NHEJ1: variants seen among roughly 807,000 people sequenced by gnomAD.
The protein encoded by NHEJ1 is non-homologous end joining factor 1.
A neutral mutation model predicts 39.4 loss-of-function variants in NHEJ1; 22 were observed. That is an observed-to-expected ratio of 0.56 (90% CI 0.40 to 0.80). The LOEUF (loss-of-function observed/expected upper bound fraction) is 0.80. Ranked by LOEUF, NHEJ1 falls within the 30% of genes least tolerant of loss-of-function variation. The pLI is 0.00. For synonymous variants in NHEJ1, 154 were observed against 135.6 expected, an observed-to-expected ratio of 1.14 and a Z score of -0.94; for missense variants, 329 against 357.1, an observed-to-expected ratio of 0.92 and a Z score of 0.63.
chr2:219,141,700 G>A (rs1382237023), intron 5 of NHEJ1, among the ~76,000 whole-genome samples: 1 of 152,060 alleles, frequency 6.6e-6, no homozygotes, highest in Non-Finnish European at 1.5e-5. Context: ...AGAAATATGG[G>A]CCTAAAACAC....
At chr2:219,155,374 G>C (rs1044526991) in intron 3 of NHEJ1, among the ~76,000 whole-genome samples, 3 of 151,364 alleles carry the variant, frequency 2.0e-5, no homozygotes, top group Non-Finnish European at 4.4e-5. Context: ...AGACCACCCT[G>C]GTCAACACAG....
chr2:219,083,932 C>T (rs946403441), intron 5 of NHEJ1, among the ~76,000 whole-genome samples: 1 of 151,864 alleles, frequency 6.6e-6, no homozygotes, highest in Non-Finnish European at 1.5e-5. Flanking sequence ...CACTCCTTGA[C>T]CTATGATGGG....
intron 5 of NHEJ1, among the ~76,000 whole-genome samples, chr2:219,103,776 G>A (rs1435446389): frequency 6.6e-6 from 1 of 152,174 alleles, no homozygotes; most frequent in Non-Finnish European, 1.5e-5. Flanking sequence ...AGCCAGGTAG[G>A]TTAAGTAAGT....
At position 219,158,099 on chromosome 2, in the gene NHEJ1, C is replaced by T. The variant is rs572442832; in HGVS notation, c.177+87G>A. 1.5e-5 allele frequency: 21 copies of T among 1,393,576 alleles called. 1 individual carries two copies. The highest frequency in any genetic ancestry group is 1.4e-4 in the East Asian group (6 of 42,656). The allele number at this position is 1,393,576 out of a possible 1,614,324, so 86.3% of individuals were successfully genotyped here. On this transcript the variant is annotated intron_variant, in intron 2 of 7. Coordinates refer to ENST00000356853, the MANE Select transcript of NHEJ1 (RefSeq NM_024782.3). ...GACATTAACTGGAATTGTCTCAACC[C>T]GATTCAACCTTCCTTGGGAAACTAC... is the stretch of plus-strand genomic sequence containing the variant.
chr2:219,083,976 C>T (rs1004486656), intron 5 of NHEJ1, among the ~76,000 whole-genome samples: 13 of 150,944 alleles, frequency 8.6e-5, no homozygotes, highest in African/African-American at 2.7e-4. Context: ...GTCAAAAACG[C>T]ACTTTCAACT....
rs551867290 is a variant in NHEJ1 at position 219,113,677 on chromosome 2, C to T, written c.588+33003G>A. Among the ~76,000 whole-genome samples the T allele has an allele frequency of 1.2e-4, 18 of 152,206 alleles. 1 individual carries two copies. In the South Asian group the frequency reaches 3.7e-3, roughly 32 times the overall value. ...ATTTTTCTCCCCCTCCATAAGTCTTCGTGTCACCTTCTATAAACTATAGAG... is the reference window on the plus strand; with the variant it reads ...ATTTTTCTCCCCCTCCATAAGTCTTTGTGTCACCTTCTATAAACTATAGAG... On this transcript the variant is annotated intron_variant, in intron 5 of 7. Coordinates refer to ENST00000356853, the MANE Select transcript of NHEJ1 (RefSeq NM_024782.3).
chr2:219,156,571 T>C (rs2106368357), intron 3 of NHEJ1, among the ~76,000 whole-genome samples: 1 of 152,314 alleles, frequency 6.6e-6, no homozygotes, highest in South Asian at 2.1e-4. Context: ...GAGGATATTA[T>C]CCCCCTAGTC....
chr2:219,134,152 T>C (rs937217763), intron 5 of NHEJ1, among the ~76,000 whole-genome samples: 2 of 152,232 alleles, frequency 1.3e-5, no homozygotes, highest in Admixed American at 1.3e-4. Context: ...AGACCATGAA[T>C]TGCCTAAGGG....
At chr2:219,155,417 T>A (rs995954774) in intron 3 of NHEJ1, among the ~76,000 whole-genome samples, 5 of 151,836 alleles carry the variant, frequency 3.3e-5, no homozygotes, top group Admixed American at 2.0e-4. Context: ...AAATTTTTTT[T>A]AATTTTATTT....
chr2:219,091,817 AAGTATGTGTGTATATATG>A (rs1267026890), intron 5 of NHEJ1, among the ~76,000 whole-genome samples: 2 of 12,932 alleles, frequency 1.5e-4, no homozygotes, highest in African/African-American at 2.7e-4. Flanking sequence ...TGTATATATG[AAGTATGTGTGTATATATG>A]AAGTATGTGT....
chr2:219,129,767 G>A (rs900212150), intron 5 of NHEJ1, among the ~76,000 whole-genome samples: 1 of 152,220 alleles, frequency 6.6e-6, no homozygotes, highest in African/African-American at 2.4e-5. Flanking sequence ...TGCGCGGCCA[G>A]GGGAGCCGTG....
At position 219,111,856 on chromosome 2, in the gene NHEJ1, C is replaced by G. The variant is rs992989501; in HGVS notation, c.589-33650G>C. 6.6e-6 allele frequency among the ~76,000 whole-genome samples: 1 copy of G among 152,200 alleles called. No individual in the cohort carries two copies. The highest frequency in any genetic ancestry group is 1.5e-5 in the Non-Finnish European group (1 of 68,036). ...AATGGGACTGACCACAGCTGCCCCA[C>G]GCGCTTGGCCAGCATCATGGCAGGA... On this transcript the variant is annotated intron_variant, in intron 5 of 7. Transcript: ENST00000356853. This position sits in a 1 kb window ranked among gnomAD's most constrained non-coding sequence, Gnocchi z 4.1.
chr2:219,101,280 A>G (rs1949257956), intron 5 of NHEJ1, among the ~76,000 whole-genome samples: 1 of 151,924 alleles, frequency 6.6e-6, no homozygotes, highest in Non-Finnish European at 1.5e-5. Context: ...ACATCTAGCT[A>G]ATTTTTGTAT....
At position 219,070,421 on chromosome 2, in the gene NHEJ1, A is replaced by T. The variant is rs563441694; in HGVS notation, c.*5960T>A. Among the ~76,000 whole-genome samples the T allele has an allele frequency of 6.6e-6, 1 of 152,162 alleles. No individual in the cohort carries two copies. Among genetic ancestry groups the T allele is most frequent in the African/African-American group, 2.4e-5 (1 of 41,520 alleles). On this transcript the variant is annotated 3_prime_UTR_variant, in exon 8 of 8. Transcript: ENST00000356853. ...TGGCCAGGCTGGTCTCAAATTCCTGACCTCAGGTGATCCACCTGCCTCAGC... is the reference window on the plus strand; with the variant it reads ...TGGCCAGGCTGGTCTCAAATTCCTGTCCTCAGGTGATCCACCTGCCTCAGC...
intron 3 of NHEJ1, among the ~76,000 whole-genome samples, chr2:219,155,795 T>C (rs988946563): frequency 6.7e-6 from 1 of 150,080 alleles, no homozygotes; most frequent in Non-Finnish European, 1.5e-5. Context: ...CGTGGTGGTG[T>C]GCGCCTGTAG....
chr2:219,084,311 T>G (rs548069202), intron 5 of NHEJ1, among the ~76,000 whole-genome samples: 23 of 152,314 alleles, frequency 1.5e-4, no homozygotes, highest in African/African-American at 5.1e-4. Context: ...TTGGTTCTGC[T>G]ATTTTCAACT....
In NHEJ1 at chr2:219,154,950, AATATATT is replaced by A. The variant is rs998811393; in HGVS notation, c.390+2515_390+2521del. 1.6e-3 allele frequency among the ~76,000 whole-genome samples: 240 copies of A among 147,486 alleles called. 1 individual carries two copies. The highest frequency in any genetic ancestry group is 5.5e-3 in the African/African-American group (225 of 40,720). On this transcript the variant is annotated intron_variant, in intron 3 of 7. Coordinates refer to ENST00000356853, the MANE Select transcript of NHEJ1 (RefSeq NM_024782.3). ...ATTAATATAACATATAATATATGTT[AATATATT>A]ATATATTATTATATTACATATATTT...
At chr2:219,082,963 G>A (rs55838820) in intron 5 of NHEJ1, among the ~76,000 whole-genome samples, 11,357 of 152,260 alleles carry the variant, frequency 0.075, 479 homozygotes, top group East Asian at 0.13. Flanking sequence ...GGTCTCAAAT[G>A]GCCAGAGGGT....
intron 3 of NHEJ1, among the ~76,000 whole-genome samples, chr2:219,157,046 C>T (rs1006232019): frequency 1.3e-5 from 2 of 152,202 alleles, no homozygotes; most frequent in Non-Finnish European, 2.9e-5. Flanking sequence ...TACTCATCTT[C>T]AAAACTTAGC....
Sources: allele counts gnomAD v4.1 joint callset (sites outside exome capture counted in the v4.1 genomes callset), GRCh38; gene constraint gnomAD v4.1.1; non-coding constraint Gnocchi (gnomAD v3.1); transcripts MANE v1.5; gene names NCBI Gene and HGNC (gene_info 2026-07-23, HGNC 2026-07-21).